The following RBFOX1 variants were observed in gnomAD, a reference collection of about 807,000 sequenced individuals.
RBFOX1 encodes the protein RNA binding protein fox-1 homolog 1.
Under a neutral mutation model 57.7 loss-of-function variants are expected in RBFOX1, and 8 were observed. The ratio of observed to expected loss-of-function variants is 0.14; its 90% confidence interval spans 0.08 to 0.25. The LOEUF is 0.25. Ranked by LOEUF, RBFOX1 falls within the 10% of genes least tolerant of loss-of-function variation. RBFOX1 has a pLI of 1.00. For missense variants in RBFOX1, 611 were observed against 548.5 expected, an observed-to-expected ratio of 1.11 and a Z score of -1.14; for synonymous variants, 326 against 222.4, an observed-to-expected ratio of 1.47 and a Z score of -4.15.
intron 4 of RBFOX1, among the ~76,000 whole-genome samples, chr16:5,945,638 A>G (rs958461154): frequency 6.6e-6 from 1 of 150,958 alleles, no homozygotes; most frequent in South Asian, 2.1e-4. Flanking sequence ...GGCCAGAGCC[A>G]GGATCAAAAC....
intron 4 of RBFOX1, among the ~76,000 whole-genome samples, chr16:7,088,790 A>G (rs1225290921): frequency 6.6e-6 from 1 of 152,186 alleles, no homozygotes; most frequent in Non-Finnish European, 1.5e-5. Flanking sequence ...GGTTTAGAGC[A>G]GGTGTTCCCT....
At chr16:6,537,957 A>G (rs905361097) in intron 2 of RBFOX1, among the ~76,000 whole-genome samples, 2 of 151,888 alleles carry the variant, frequency 1.3e-5, no homozygotes, top group African/African-American at 4.8e-5. Context: ...AGGATATCCT[A>G]GGAACTCTAC....
chr16:6,859,185 G>GTATA (rs58752352), intron 3 of RBFOX1, among the ~76,000 whole-genome samples: 2 of 44,030 alleles, frequency 4.5e-5, no homozygotes, highest in African/African-American at 1.8e-4. Flanking sequence ...GTATATATAT[G>GTATA]TATATATATA....
intron 1 of RBFOX1, among the ~76,000 whole-genome samples, chr16:6,225,445 G>A (rs1355362826): frequency 2.0e-5 from 3 of 152,114 alleles, no homozygotes; most frequent in Non-Finnish European, 4.4e-5. Context: ...TATCTGGAAT[G>A]TACATTTAAT....
At chr16:5,692,193 G>C (rs1006528461) in intron 3 of RBFOX1, among the ~76,000 whole-genome samples, 1 of 149,184 alleles carries the variant, frequency 6.7e-6, no homozygotes, top group Admixed American at 6.7e-5. Flanking sequence ...GTGTGTGTGT[G>C]TGTGTGTGTG....
intron 2 of RBFOX1, among the ~76,000 whole-genome samples, chr16:5,570,059 G>A (rs567382280): frequency 1.3e-5 from 2 of 152,298 alleles, no homozygotes; most frequent in African/African-American, 4.8e-5. Context: ...TTACAGAAGA[G>A]CATTTTATAA....
At chr16:6,190,391 C>G (rs890918501) in intron 1 of RBFOX1, among the ~76,000 whole-genome samples, 1 of 152,084 alleles carries the variant, frequency 6.6e-6, no homozygotes, top group Non-Finnish European at 1.5e-5. Context: ...ATGTAGCATC[C>G]GGGGTCCTAC....
At chr16:6,760,524 G>C (rs1408687347) in intron 3 of RBFOX1, among the ~76,000 whole-genome samples, 6 of 152,188 alleles carry the variant, frequency 3.9e-5, no homozygotes, top group Admixed American at 1.3e-4. Flanking sequence ...TATGTGAAAA[G>C]ATAAACAGTA....
chr16:5,681,434 C>G (rs1181621655), intron 3 of RBFOX1, among the ~76,000 whole-genome samples: 1 of 144,236 alleles, frequency 6.9e-6, no homozygotes, highest in Non-Finnish European at 1.5e-5. Flanking sequence ...TGTTGTCCAG[C>G]CTGGAGTGCA....
In RBFOX1 at chr16:7,318,973, G is replaced by C. The variant is rs569449236; in HGVS notation, c.28-199174G>C. Reference sequence around the variant, plus strand: ...GCCTGCAAATGTTAGGTCCCAGTGGGAGTATGGGAACATATGGGATGAACC... The same window carrying C: ...GCCTGCAAATGTTAGGTCCCAGTGGCAGTATGGGAACATATGGGATGAACC... On this transcript the variant is annotated intron_variant, in intron 4 of 15. Transcript: ENST00000550418. Among the ~76,000 whole-genome samples the C allele has an allele frequency of 6.0e-4, 91 of 152,300 alleles. 1 individual carries two copies. Among genetic ancestry groups the C allele is most frequent in the Admixed American group, 2.1e-3 (32 of 15,294 alleles).
At chr16:7,544,188 C>T (rs1175342668) in intron 5 of RBFOX1, among the ~76,000 whole-genome samples, 1 of 152,196 alleles carries the variant, frequency 6.6e-6, no homozygotes, top group Non-Finnish European at 1.5e-5. Flanking sequence ...ATATTTCACA[C>T]CTCTGTCCTT....
intron 3 of RBFOX1, among the ~76,000 whole-genome samples, chr16:6,956,597 A>C (rs892981368): frequency 6.6e-6 from 1 of 152,172 alleles, no homozygotes; most frequent in African/African-American, 2.4e-5. Context: ...GAGACAGAGG[A>C]GTGAGTGGTT....
At chr16:6,925,454 A>T (rs1388068603) in intron 3 of RBFOX1, among the ~76,000 whole-genome samples, 1 of 93,690 alleles carries the variant, frequency 1.1e-5, no homozygotes, top group East Asian at 3.4e-4. Context: ...AATGGACTCC[A>T]CATTTATTTA....
At chr16:7,457,332 G>A (rs575090262) in intron 4 of RBFOX1, among the ~76,000 whole-genome samples, 25 of 152,294 alleles carry the variant, frequency 1.6e-4, no homozygotes, top group Admixed American at 1.6e-3. Context: ...TGGGCCTCCT[G>A]ACATTGGTGA....
chr16:6,831,557 G>T (rs2092709438), intron 3 of RBFOX1, among the ~76,000 whole-genome samples: 1 of 152,126 alleles, frequency 6.6e-6, no homozygotes, highest in Non-Finnish European at 1.5e-5. Flanking sequence ...TCTAAAGATG[G>T]GCAACTGTTT....
At position 6,545,391 on chromosome 16, in the gene RBFOX1, C is replaced by T. The variant is rs534723366; in HGVS notation, c.-63-109212C>T. The stretch of plus-strand genomic sequence containing the variant: ...CTGGCCTCTTGCCTTTCTCTCCAAC[C>T]CCTCTCTCTCTTTCTCTCCAGGCCA... On this transcript the variant is annotated intron_variant, in intron 2 of 15. Coordinates refer to ENST00000550418, the MANE Select transcript of RBFOX1 (RefSeq NM_018723.4). Among the ~76,000 whole-genome samples the T allele has an allele frequency of 5.2e-3, 794 of 152,244 alleles. 1 individual carries two copies. Among genetic ancestry groups the T allele is most frequent in the Admixed American group, 9.5e-3 (145 of 15,276 alleles).
chr16:7,706,758 T>G (rs1427558599), intron 14 of RBFOX1, among the ~76,000 whole-genome samples: 1 of 152,220 alleles, frequency 6.6e-6, no homozygotes, highest in Non-Finnish European at 1.5e-5. Flanking sequence ...GATTTTTCTC[T>G]GGACCAATCA....
chr16:6,238,310 C>G (rs1322228047), intron 1 of RBFOX1, among the ~76,000 whole-genome samples: 1 of 152,100 alleles, frequency 6.6e-6, no homozygotes, highest in African/African-American at 2.4e-5. Flanking sequence ...TTGAAACTCC[C>G]TCTTCAGGTT....
In RBFOX1 at chr16:5,557,687, G is replaced by C. The variant is rs539856314; in HGVS notation, c.259-41215G>C. Among the ~76,000 whole-genome samples, 7 of 152,314 alleles carry C rather than the reference G, an allele frequency of 4.6e-5. No homozygotes were observed. In the South Asian group the frequency reaches 1.5e-3, roughly 32 times the overall value. ...TTCTTAGAAACACTTGTAGGCTTGTGGTGCAGACAGGGAACAGGGAACTAC... is the reference window on the plus strand; with the variant it reads ...TTCTTAGAAACACTTGTAGGCTTGTCGTGCAGACAGGGAACAGGGAACTAC... On this transcript the variant is annotated intron_variant, in intron 2 of 2. Coordinates refer to the RBFOX1 transcript ENST00000585867.
Sources: allele counts gnomAD v4.1 joint callset (sites outside exome capture counted in the v4.1 genomes callset), GRCh38; gene constraint gnomAD v4.1.1; transcripts MANE v1.5; gene names NCBI Gene and HGNC (gene_info 2026-07-23, HGNC 2026-07-21).